Variants in MFSD8 observed in about 807,000 individuals in gnomAD.
MFSD8 encodes major facilitator superfamily domain containing 8.
MFSD8 carries 55 observed loss-of-function variants against 66.4 expected under a neutral mutation model. That is an observed-to-expected ratio of 0.83 (90% CI 0.67 to 1.04). The LOEUF (loss-of-function observed/expected upper bound fraction) is 1.04, where lower values mean the gene tolerates loss of function less well. Ranked by LOEUF, MFSD8 falls within the 50% of genes least tolerant of loss-of-function variation. The pLI, the probability that MFSD8 is intolerant of heterozygous loss-of-function variation, is 0.00. For synonymous variants in MFSD8, 202 were observed against 212.8 expected, an observed-to-expected ratio of 0.95 and a Z score of 0.44; for missense variants, 550 against 627.6, an observed-to-expected ratio of 0.88 and a Z score of 1.32.
Position 127,933,442 on chromosome 4 carries a change from T to C in MFSD8, c.755-349A>G, listed in dbSNP as rs370205468. The C allele has an allele frequency of 1.0e-4, 22 of 213,124 alleles. No individual in the cohort carries two copies. The East Asian group carries it at 2.3e-3, about 22-fold the overall frequency. The allele number at this position is 213,124 out of a possible 1,614,324, so 13.2% of individuals were successfully genotyped here. On this transcript the variant is annotated intron_variant, in intron 7 of 11. Transcript: ENST00000641686. ...TATTTTTTGTAGAGATGAGGTTTCA[T>C]CATGCTACCCAGTCTGGGCTTGAAC... is the stretch of plus-strand genomic sequence containing the variant.
chr4:127,964,218 G>A (rs1160091602), intron 1 of MFSD8, among the ~76,000 whole-genome samples: 1 of 152,254 alleles, frequency 6.6e-6, no homozygotes, highest in East Asian at 1.9e-4. Flanking sequence ...CTGCCTGCCA[G>A]TCCCGCGCCG....
chr4:127,938,592 A>AAAAAT (rs1553949104), intron 7 of MFSD8, among the ~76,000 whole-genome samples, 191 bp downstream of exon 7: 10 of 131,014 alleles, frequency 7.6e-5, no homozygotes, highest in East Asian at 2.2e-4. Context: ...CAAAAAAAAA[A>AAAAAT]AAATAAATAA....
chr4:127,955,257 A>C (rs889171138), intron 2 of MFSD8, among the ~76,000 whole-genome samples: 2 of 152,140 alleles, frequency 1.3e-5, no homozygotes, highest in African/African-American at 4.8e-5. Flanking sequence ...TAAATGGCTA[A>C]ACAAAATGTG....
chr4:127,946,249 G>C (rs961118241), intron 3 of MFSD8, among the ~76,000 whole-genome samples: 3 of 152,066 alleles, frequency 2.0e-5, no homozygotes, highest in Non-Finnish European at 4.4e-5. Context: ...TCTTTAAAGA[G>C]TTTTCAAAAT....
intron 9 of MFSD8, among the ~76,000 whole-genome samples, chr4:127,929,941 T>C (rs114642311): frequency 1.1e-3 from 161 of 152,308 alleles, no homozygotes; most frequent in African/African-American, 3.8e-3. Flanking sequence ...ATCTATCATG[T>C]ATCAATTAAA....
chr4:127,921,090 C>G (rs1736281287), intron 11 of MFSD8: 2 of 567,100 alleles, frequency 3.5e-6, no homozygotes, highest in African/African-American at 1.9e-5. Context: ...GATTAAAATA[C>G]CTTTTAAAGC....
At chr4:127,961,382 T>G (rs145036850) in intron 1 of MFSD8, among the ~76,000 whole-genome samples, 2 of 152,172 alleles carry the variant, frequency 1.3e-5, no homozygotes, top group African/African-American at 4.8e-5. Flanking sequence ...ATCAATCACT[T>G]TGATGAAATC....
chr4:127,953,221 G>A (rs1435581370), intron 2 of MFSD8, among the ~76,000 whole-genome samples: 1 of 152,042 alleles, frequency 6.6e-6, no homozygotes, highest in East Asian at 1.9e-4. Context: ...GAAATTTACA[G>A]GTCACACCTG....
Position 127,942,057 on chromosome 4 carries a change from T to C in MFSD8, c.541A>G (p.Ile181Val), listed in dbSNP as rs770057458. 6.2e-7 allele frequency: 1 copy of C among 1,613,678 alleles called. No individual in the cohort carries two copies. The part of the protein sequence containing the change: ...NISMCQALGF[I>V]LGPVFQTCFT... ...GAAGAACACCTACCTGGACCTAGAA[T>C]AAAACCTAATGCTTGACACATGCTT... The change falls in exon 5 of 12, where the codon ATT becomes GTT. Residue 181 changes from isoleucine (I) to valine (V), a missense_variant. Transcript: ENST00000641686.
At chr4:127,949,036 G>C (rs1008074655) in intron 3 of MFSD8, among the ~76,000 whole-genome samples, 2 of 152,188 alleles carry the variant, frequency 1.3e-5, no homozygotes, top group Non-Finnish European at 2.9e-5. Context: ...CTAAAATAAG[G>C]ACTGAAAAGT....
At chr4:127,942,683 A>G (rs1487000521) in intron 4 of MFSD8, among the ~76,000 whole-genome samples, 1 of 152,102 alleles carries the variant, frequency 6.6e-6, no homozygotes, top group Non-Finnish European at 1.5e-5. Flanking sequence ...AAAAAAAAGA[A>G]TATCAAACTT....
intron 9 of MFSD8, among the ~76,000 whole-genome samples, chr4:127,923,548 T>TA (rs1255019292): frequency 5.4e-5 from 6 of 111,264 alleles, no homozygotes; most frequent in African/African-American, 2.4e-4. Context: ...ATTTTTTATT[T>TA]TTATTTATTA....
intron 8 of MFSD8, among the ~76,000 whole-genome samples, chr4:127,932,052 A>G (rs1355242671): frequency 6.6e-6 from 1 of 152,224 alleles, no homozygotes; most frequent in Non-Finnish European, 1.5e-5. Context: ...TCAAGGCTGC[A>G]GTGAGCCGTG....
Position 127,932,998 on chromosome 4 carries a change from C to G in MFSD8, c.850G>C (p.Ala284Pro). Reference sequence around the variant, plus strand: ...AATAAAACTTACGTTTCAAAAAGGGCAAAGATAAATAGAGTCACAAAAAAC... The same window carrying G: ...AATAAAACTTACGTTTCAAAAAGGGGAAAGATAAATAGAGTCACAAAAAAC... The part of the protein sequence containing the change: ...VLFFVTLFIF[A>P]LFETIITPLT... Residue 284 changes from alanine to proline, a missense_variant, in exon 8 of 12, where the codon GCC (alanine) becomes CCC (proline). By Grantham distance (27) the Ala-to-Pro change is conservative. Coordinates refer to ENST00000641686, the MANE Select transcript of MFSD8 (RefSeq NM_001371596.2). 1 of 1,612,692 alleles carries G rather than the reference C, an allele frequency of 6.2e-7. No homozygotes were observed. Among genetic ancestry groups the G allele is most frequent in the South Asian group, 1.1e-5 (1 of 91,050 alleles).
chr4:127,933,861 C>T (rs1738578579), intron 7 of MFSD8: 1 of 152,164 alleles, frequency 6.6e-6, no homozygotes, highest in African/African-American at 2.4e-5. Context: ...TGATTTACTA[C>T]AATGGATATA....
intron 9 of MFSD8, among the ~76,000 whole-genome samples, chr4:127,925,931 C>A (rs2148856875): frequency 1.3e-5 from 2 of 152,160 alleles, no homozygotes; most frequent in Non-Finnish European, 2.9e-5. Context: ...GAGTTCATGT[C>A]TTTTACAGTA....
chr4:127,928,427 G>T (rs536439922), intron 9 of MFSD8, among the ~76,000 whole-genome samples: 118 of 152,168 alleles, frequency 7.8e-4, no homozygotes, highest in African/African-American at 2.7e-3. Flanking sequence ...CCCTCAAAAT[G>T]ATTCTTTTAA....
Position 127,920,380 on chromosome 4 carries a change from C to A in MFSD8, c.*250G>T. 2.0e-6 allele frequency: 1 copy of A among 494,408 alleles called. No individual in the cohort carries two copies. Among genetic ancestry groups the A allele is most frequent in the Non-Finnish European group, 3.7e-6 (1 of 271,914 alleles). 30.6% of individuals were successfully genotyped at this position (494,408 alleles called of 1,614,324 possible). A position where few individuals can be genotyped will look rare whatever the true frequency, so the allele number is the denominator to read the frequency against. On this transcript the variant is annotated 3_prime_UTR_variant, in exon 12 of 12. Coordinates refer to ENST00000641686, the MANE Select transcript of MFSD8 (RefSeq NM_001371596.2). ...ATTCACTCATTAGTTCATGCAACCA[C>A]AAAAAGGTATTATAAGAATAATATT...
intron 1 of MFSD8, 161 bp downstream of exon 1, chr4:127,964,911 T>C: frequency 1.2e-6 from 1 of 829,106 alleles, no homozygotes; most frequent in Non-Finnish European, 2.0e-6. Context: ...TCTCCTACGT[T>C]GGGAGCGAAT....
Sources: allele counts gnomAD v4.1 joint callset (sites outside exome capture counted in the v4.1 genomes callset), GRCh38; gene constraint gnomAD v4.1.1; transcripts MANE v1.5; gene names NCBI Gene and HGNC (gene_info 2026-07-23, HGNC 2026-07-21).